Variants in PPM1H observed in about 807,000 individuals in gnomAD.
PPM1H encodes the protein protein phosphatase, Mg2+/Mn2+ dependent 1H.
A neutral mutation model predicts 54.9 loss-of-function variants in PPM1H; 27 were observed. The ratio of observed to expected loss-of-function variants is 0.49; its 90% confidence interval spans 0.36 to 0.68. PPM1H has a LOEUF of 0.68. Ranked by LOEUF, PPM1H falls within the 30% of genes least tolerant of loss-of-function variation. The pLI, the probability that PPM1H is intolerant of heterozygous loss-of-function variation, is 0.00. For missense variants in PPM1H, 596 were observed against 667.8 expected (o/e 0.89, Z 1.19); for synonymous variants, 305 against 270.8 (o/e 1.13, Z -1.24).
intron 1 of PPM1H, among the ~76,000 whole-genome samples, chr12:62,894,958 T>A (rs546981986): frequency 8.5e-5 from 13 of 152,198 alleles, no homozygotes; most frequent in Non-Finnish European, 1.8e-4. Flanking sequence ...CTTAAGTATA[T>A]CTGCATAATT....
intron 8 of PPM1H, among the ~76,000 whole-genome samples, chr12:62,682,198 C>A (rs954487796): frequency 6.6e-6 from 1 of 152,154 alleles, no homozygotes; most frequent in Non-Finnish European, 1.5e-5. Context: ...TTTAAAACTT[C>A]AAGACTTTCG....
At chr12:62,727,111 C>T (rs1439575565) in intron 5 of PPM1H, among the ~76,000 whole-genome samples, 1 of 152,064 alleles carries the variant, frequency 6.6e-6, no homozygotes, top group Non-Finnish European at 1.5e-5. Context: ...GACAGGGTTT[C>T]ACCAGGCTGG....
rs559175630 is a variant in PPM1H at position 62,661,364 on chromosome 12, T to G, written c.1397+5814A>C. On this transcript the variant is annotated intron_variant, in intron 9 of 9. Transcript: ENST00000228705. ...CCAAATGAACAAATCAGAATGGGAG[T>G]TATTTGTTAAGAAGAAAACCTTGAC... is the stretch of plus-strand genomic sequence containing the variant. 1.9e-4 allele frequency among the ~76,000 whole-genome samples: 29 copies of G among 151,864 alleles called. No individual in the cohort carries two copies. In the South Asian group the frequency reaches 6.0e-3, roughly 32 times the overall value.
At chr12:62,865,909 T>C (rs980918200) in intron 1 of PPM1H, among the ~76,000 whole-genome samples, 1 of 152,206 alleles carries the variant, frequency 6.6e-6, no homozygotes, top group African/African-American at 2.4e-5. Context: ...TCTTGACCAG[T>C]AGTAACCACT....
At chr12:62,712,379 GA>G (rs2076212330) in intron 6 of PPM1H, among the ~76,000 whole-genome samples, 1 of 152,186 alleles carries the variant, frequency 6.6e-6, no homozygotes, top group African/African-American at 2.4e-5. Context: ...GAGAGGAAAT[GA>G]ATACCAGGTT....
At chr12:62,889,787 G>A (rs146091650) in intron 1 of PPM1H, among the ~76,000 whole-genome samples, 121 of 152,194 alleles carry the variant, frequency 8.0e-4, no homozygotes, top group Middle Eastern at 3.4e-3. Context: ...GAAATGAATC[G>A]CAAACCTAAA....
chr12:62,775,526 C>T (rs2076605056), intron 4 of PPM1H, among the ~76,000 whole-genome samples: 1 of 152,208 alleles, frequency 6.6e-6, no homozygotes, highest in Non-Finnish European at 1.5e-5. Flanking sequence ...TACATAGATC[C>T]AACTGTTTAT....
chr12:62,689,594 A>C, intron 8 of PPM1H, 105 bp downstream of exon 8: 2 of 747,334 alleles, frequency 2.7e-6, no homozygotes, highest in Non-Finnish European at 2.3e-6. Flanking sequence ...GGAAGTACAT[A>C]TAATACAAGT....
intron 6 of PPM1H, among the ~76,000 whole-genome samples, chr12:62,701,981 G>A (rs2076146266): frequency 6.6e-6 from 1 of 152,200 alleles, no homozygotes; most frequent in Non-Finnish European, 1.5e-5. Context: ...GCAAGCACAT[G>A]GTAGACATAA....
In PPM1H at chr12:62,803,308, T is replaced by C. The variant is rs115849881; in HGVS notation, c.412-1148A>G. On this transcript the variant is annotated intron_variant, in intron 2 of 9. Coordinates refer to ENST00000228705, the MANE Select transcript of PPM1H (RefSeq NM_020700.2). ...AAGATGAGCACTTTTGAACCCATGT[T>C]TGAATTACACACGTGTTAGATCTTA... Among the ~76,000 whole-genome samples, 669 of 152,320 alleles carry C rather than the reference T, an allele frequency of 4.4e-3. 7 individuals are homozygous for C. Among genetic ancestry groups the C allele is most frequent in the African/African-American group, 0.015 (642 of 41,566 alleles).
At chr12:62,694,096 C>T in intron 6 of PPM1H, 97 bp from the exon 7 acceptor site, 1 of 1,044,114 alleles carries the variant, frequency 9.6e-7, no homozygotes, top group Non-Finnish European at 1.4e-6. Context: ...TCCCTGAGAC[C>T]CCATCCACTC....
At chr12:62,773,041 G>A (rs188380437) in intron 4 of PPM1H, among the ~76,000 whole-genome samples, 3 of 152,158 alleles carry the variant, frequency 2.0e-5, no homozygotes, top group African/African-American at 4.8e-5. Context: ...CCAGCTACTC[G>A]GGAGGCTGAG....
chr12:62,681,836 A>T (rs1235561276), intron 8 of PPM1H, among the ~76,000 whole-genome samples: 2 of 152,240 alleles, frequency 1.3e-5, no homozygotes, highest in African/African-American at 2.4e-5. Flanking sequence ...CTATGGAAAG[A>T]ACCACTGAAA....
chr12:62,681,647 C>CTTTAGA (rs2076019484), intron 8 of PPM1H, among the ~76,000 whole-genome samples: 1 of 152,126 alleles, frequency 6.6e-6, no homozygotes, highest in Admixed American at 6.5e-5. Flanking sequence ...ATCTCTTTTT[C>CTTTAGA]TTTAGATGAT....
chr12:62,804,729 G>T (rs182182072), intron 2 of PPM1H, among the ~76,000 whole-genome samples: 1,912 of 136,372 alleles, frequency 0.014, 44 homozygotes, highest in African/African-American at 0.053. Flanking sequence ...AGGCTGGAGT[G>T]CAGTGGCGGG....
In PPM1H at chr12:62,795,440, AAT is replaced by A. The variant is rs151199970; in HGVS notation, c.756+6374_756+6375del. Among the ~76,000 whole-genome samples the A allele has an allele frequency of 3.1e-3, 468 of 148,738 alleles. 2 individuals are homozygous for A. The highest frequency in any genetic ancestry group is 5.3e-3 in the Non-Finnish European group (354 of 67,032). On this transcript the variant is annotated intron_variant, in intron 3 of 9. Coordinates refer to ENST00000228705, the MANE Select transcript of PPM1H (RefSeq NM_020700.2). ...TGGGACTACAAATGCCCCCAGATAA[AAT>A]ATATATATATATATATTTTTGAGAC...
intron 9 of PPM1H, among the ~76,000 whole-genome samples, chr12:62,664,076 G>A (rs1215234840): frequency 9.7e-5 from 3 of 30,852 alleles, no homozygotes; most frequent in African/African-American, 4.5e-4. Context: ...TCAGCCCTTA[G>A]GGCCTCACTC....
intron 5 of PPM1H, among the ~76,000 whole-genome samples, chr12:62,731,468 T>C (rs2076320610): frequency 6.6e-6 from 1 of 152,166 alleles, no homozygotes; most frequent in African/African-American, 2.4e-5. Flanking sequence ...CAAAGCAGGT[T>C]CAGGCTTAAG....
intron 1 of PPM1H, among the ~76,000 whole-genome samples, chr12:62,851,304 T>A (rs992638041): frequency 6.6e-6 from 1 of 152,232 alleles, no homozygotes; most frequent in African/African-American, 2.4e-5. Context: ...GAAGGGGCTA[T>A]CACTGGTTAA....
Sources: gnomAD v4.1 joint callset for allele counts (sites outside exome capture counted in the v4.1 genomes callset) on GRCh38, gnomAD v4.1.1 for gene constraint, MANE v1.5 for transcripts, NCBI Gene and HGNC (gene_info 2026-07-23, HGNC 2026-07-21) for gene names.